The following SAMD13 variants were observed in gnomAD, a reference collection of about 807,000 sequenced individuals.
The protein encoded by SAMD13 is sterile alpha motif domain containing 13.
Under a neutral mutation model 12.4 loss-of-function variants are expected in SAMD13, and 9 were observed. That is an observed-to-expected ratio of 0.72 (90% confidence interval 0.44 to 1.26). The LOEUF (loss-of-function observed/expected upper bound fraction) is 1.26, where lower values mean the gene tolerates loss of function less well. SAMD13 is among the 50% of genes most tolerant of loss of function. The pLI is 0.00. For missense variants in SAMD13, 84 were observed against 119.6 expected (o/e 0.70, Z 1.39); for synonymous variants, 46 against 45.4 (o/e 1.01, Z -0.05).
intron 2 of SAMD13, among the ~76,000 whole-genome samples, chr1:84,308,287 G>T (rs1248248754): frequency 6.6e-6 from 1 of 152,080 alleles, no homozygotes; most frequent in Non-Finnish European, 1.5e-5. Flanking sequence ...CACTGGACAG[G>T]GCAGAGTTAG....
intron 3 of SAMD13, among the ~76,000 whole-genome samples, chr1:84,348,200 C>A (rs1190297548): frequency 2.6e-5 from 4 of 152,154 alleles, no homozygotes; most frequent in Admixed American, 2.0e-4. Flanking sequence ...TTGTCAGAAA[C>A]CCCGCCAAGG....
At chr1:84,330,993 C>A (rs1362218662) in intron 3 of SAMD13, among the ~76,000 whole-genome samples, 2 of 151,964 alleles carry the variant, frequency 1.3e-5, no homozygotes, top group African/African-American at 4.8e-5. Context: ...TCTGAAATGC[C>A]CAACTGGTTG....
Position 84,349,867 on chromosome 1 carries a change from T to C in SAMD13, c.*93T>C. ...ACTTTGTAAACAGAATACATACATG[T>C]GTATATGTAAAGAATTTCAATCAAA... On this transcript the variant is annotated 3_prime_UTR_variant, in exon 4 of 4. Transcript: ENST00000394834. The C allele has an allele frequency of 2.0e-6, 3 of 1,487,286 alleles. No homozygotes were observed. The highest frequency in any genetic ancestry group is 1.8e-6 in the Non-Finnish European group (2 of 1,120,790). The allele number at this position is 1,487,286 out of a possible 1,614,324, so 92.1% of individuals were successfully genotyped here.
chr1:84,314,980 C>T (rs1440867937), intron 2 of SAMD13, among the ~76,000 whole-genome samples: 1 of 140,510 alleles, frequency 7.1e-6, no homozygotes, highest in Non-Finnish European at 1.6e-5. Flanking sequence ...TTCTGTCCCT[C>T]CCTCCCTCCC....
At chr1:84,303,037 A>G (rs1272980362) in intron 1 of SAMD13, 166 bp from the exon 2 acceptor site, 5 of 540,198 alleles carry the variant, frequency 9.3e-6, no homozygotes, top group Non-Finnish European at 1.3e-5. Context: ...CCAGTTCTTT[A>G]GGTTTAATCA....
chr1:84,333,880 A>C (rs1396926895), intron 3 of SAMD13, among the ~76,000 whole-genome samples: 1 of 151,994 alleles, frequency 6.6e-6, no homozygotes, highest in Admixed American at 6.6e-5. Flanking sequence ...TGTTGAACCA[A>C]CCTTGCTTCC....
upstream of SAMD13, among the ~76,000 whole-genome samples, chr1:84,301,080 C>T (rs1449174387): frequency 6.6e-6 from 1 of 152,082 alleles, no homozygotes; most frequent in Non-Finnish European, 1.5e-5. Flanking sequence ...GGATAAATGC[C>T]AAAATAAAAG....
At chr1:84,328,495 G>A (rs1177248955) in intron 3 of SAMD13, among the ~76,000 whole-genome samples, 1 of 152,106 alleles carries the variant, frequency 6.6e-6, no homozygotes, top group Non-Finnish European at 1.5e-5. Context: ...TTTGTCTCTG[G>A]CAGTGATTCA....
At chr1:84,348,283 A>C (rs315525) in intron 3 of SAMD13, among the ~76,000 whole-genome samples, 3 of 152,106 alleles carry the variant, frequency 2.0e-5, no homozygotes, top group Non-Finnish European at 4.4e-5. Flanking sequence ...CCTGCTGCTA[A>C]TTCTCCCACA....
At chr1:84,323,938 G>T (rs1679001872) in intron 2 of SAMD13, among the ~76,000 whole-genome samples, 1 of 152,036 alleles carries the variant, frequency 6.6e-6, no homozygotes, top group Non-Finnish European at 1.5e-5. Flanking sequence ...ATCTCCACTT[G>T]GATATAGACA....
chr1:84,346,566 C>T (rs1261145392), intron 3 of SAMD13, among the ~76,000 whole-genome samples: 1 of 152,150 alleles, frequency 6.6e-6, no homozygotes, highest in Non-Finnish European at 1.5e-5. Context: ...TGGTCACACT[C>T]CAATCACTTC....
chr1:84,348,421 C>T (rs1464402673), intron 3 of SAMD13, among the ~76,000 whole-genome samples: 1 of 152,076 alleles, frequency 6.6e-6, no homozygotes, highest in Non-Finnish European at 1.5e-5. Context: ...ACACGGTGTC[C>T]CCATGTCTGT....
chr1:84,308,794 TAA>T (rs1027576500), intron 2 of SAMD13, among the ~76,000 whole-genome samples: 4 of 151,978 alleles, frequency 2.6e-5, no homozygotes, highest in Non-Finnish European at 5.9e-5. Flanking sequence ...ATTTTTTAAT[TAA>T]AAAAAAGCCA....
Position 84,302,415 on chromosome 1 carries a change from G to A in SAMD13, c.-33+614G>A, listed in dbSNP as rs1484352881. ...GCTAATTGCATATTAATTGTGGAAGGCTTTTAATTTTCCACAGCCCTCATC... is the reference window on the plus strand; with the variant it reads ...GCTAATTGCATATTAATTGTGGAAGACTTTTAATTTTCCACAGCCCTCATC... On this transcript the variant is annotated intron_variant, in intron 1 of 3. Coordinates refer to ENST00000394834, the MANE Select transcript of SAMD13 (RefSeq NM_001134663.2). Among the ~76,000 whole-genome samples, 10 of 149,414 alleles carry A rather than the reference G, an allele frequency of 6.7e-5. No homozygotes were observed. The East Asian group carries it at 1.8e-3, about 26-fold the overall frequency.
At chr1:84,327,359 C>G (rs745406931) in intron 3 of SAMD13, among the ~76,000 whole-genome samples, 8 of 152,004 alleles carry the variant, frequency 5.3e-5, no homozygotes, top group Non-Finnish European at 1.2e-4. Flanking sequence ...TGAATGGTTC[C>G]ATTTAGATAA....
At chr1:84,319,365 C>T (rs1461550269) in intron 2 of SAMD13, among the ~76,000 whole-genome samples, 2 of 152,114 alleles carry the variant, frequency 1.3e-5, no homozygotes, top group East Asian at 1.9e-4. Context: ...GTGGCTCACA[C>T]CTGTAATCCC....
At chr1:84,299,591 CACA>C, upstream of SAMD13, 1 of 1,517,346 alleles carries the variant, frequency 6.6e-7, no homozygotes. Flanking sequence ...ATACTACACA[CACA>C]ACTTTTTATC....
At chr1:84,322,904 GCCTC>G (rs1440787532) in intron 2 of SAMD13, among the ~76,000 whole-genome samples, 1 of 152,098 alleles carries the variant, frequency 6.6e-6, no homozygotes, top group Non-Finnish European at 1.5e-5. Context: ...AATCAGGAAA[GCCTC>G]CCATCTTAAA....
chr1:84,334,763 G>T (rs942330544), intron 3 of SAMD13, among the ~76,000 whole-genome samples: 1 of 151,992 alleles, frequency 6.6e-6, no homozygotes, highest in African/African-American at 2.4e-5. Flanking sequence ...TTGTATTTTT[G>T]TTCTCAGTAG....
Sources: allele counts gnomAD v4.1 joint callset (sites outside exome capture counted in the v4.1 genomes callset), GRCh38; gene constraint gnomAD v4.1.1; transcripts MANE v1.5; gene names NCBI Gene and HGNC (gene_info 2026-07-23, HGNC 2026-07-21).